ATG5: variants seen among roughly 807,000 people sequenced by gnomAD.
The protein encoded by ATG5 is autophagy protein 5.
ATG5 carries 14 observed loss-of-function variants against 36.5 expected under a neutral mutation model. That is an observed-to-expected ratio of 0.38 (90% CI 0.25 to 0.60). The LOEUF is 0.60. Among genes scored for constraint, ATG5 ranks in the 20% least tolerant of loss-of-function variants. The probability of loss-of-function intolerance (pLI) is 0.60; values close to 1 mark genes in which losing one functional copy is unlikely to be tolerated. For synonymous variants in ATG5, 95 were observed against 101.5 expected, an observed-to-expected ratio of 0.94 and a Z score of 0.38; for missense variants, 195 against 326.7, an observed-to-expected ratio of 0.60 and a Z score of 3.11.
intron 7 of ATG5, 78 bp from the exon 8 acceptor site, chr6:106,186,754 C>G (rs1775786740): frequency 6.7e-7 from 1 of 1,489,006 alleles, no homozygotes; most frequent in African/African-American, 1.4e-5. Context: ...TTTTGAGAAT[C>G]CTTAGTGCAT....
chr6:106,257,004 A>G (rs1778827649), intron 5 of ATG5, among the ~76,000 whole-genome samples: 2 of 152,204 alleles, frequency 1.3e-5, no homozygotes, highest in Non-Finnish European at 2.9e-5. Flanking sequence ...AACATTTTTT[A>G]TATCCTTATT....
intron 6 of ATG5, among the ~76,000 whole-genome samples, chr6:106,240,104 C>T (rs1778060510): frequency 6.6e-6 from 1 of 151,878 alleles, no homozygotes; most frequent in South Asian, 2.1e-4. Flanking sequence ...GTAATGCTCC[C>T]ACCACAGAAT....
chr6:106,216,742 G>A (rs1455416299), intron 6 of ATG5, among the ~76,000 whole-genome samples: 2 of 152,156 alleles, frequency 1.3e-5, no homozygotes, highest in South Asian at 2.1e-4. Flanking sequence ...GACCTTTGCT[G>A]AGCATAGTGG....
intron 4 of ATG5, among the ~76,000 whole-genome samples, chr6:106,292,413 T>C (rs1392618080): frequency 6.6e-6 from 1 of 152,092 alleles, no homozygotes; most frequent in Non-Finnish European, 1.5e-5. Context: ...CAAAATTAGG[T>C]CACACTAAAT....
chr6:106,195,186 T>C (rs1885450), intron 7 of ATG5, among the ~76,000 whole-genome samples: 32,018 of 152,200 alleles, frequency 0.21, 3,745 homozygotes, highest in Admixed American at 0.34. Context: ...CTAGTACATT[T>C]GACTTTCATA....
At chr6:106,233,570 T>C (rs1012206087) in intron 6 of ATG5, among the ~76,000 whole-genome samples, 1 of 152,108 alleles carries the variant, frequency 6.6e-6, no homozygotes, top group Non-Finnish European at 1.5e-5. Flanking sequence ...AGTAAGGAAA[T>C]TGATGTAGTG....
intron 5 of ATG5, among the ~76,000 whole-genome samples, chr6:106,262,386 A>C (rs1213188972): frequency 6.6e-6 from 1 of 152,172 alleles, no homozygotes; most frequent in East Asian, 1.9e-4. Context: ...ATTTCTAATC[A>C]GTTCCCAAGT....
chr6:106,234,173 C>T lies in ATG5; in HGVS notation c.573+13977G>A, dbSNP rs1273090979. 4.6e-5 allele frequency among the ~76,000 whole-genome samples: 7 copies of T among 152,258 alleles called. No individual in the cohort carries two copies. The East Asian group carries it at 1.4e-3, about 29-fold the overall frequency. ...ACATGTAAAGGAAGTAACCTCCCAA[C>T]TGACCCGGGTACATAGCACCCCTAG... On this transcript the variant is annotated intron_variant, in intron 6 of 7. Transcript: ENST00000369076.
intron 6 of ATG5, among the ~76,000 whole-genome samples, chr6:106,218,330 A>G (rs1404188985): frequency 6.6e-6 from 1 of 152,180 alleles, no homozygotes; most frequent in Admixed American, 6.5e-5. Flanking sequence ...AATTTTATTT[A>G]AGGCTCCAAA....
At chr6:106,266,438 A>G (rs758767769) in intron 5 of ATG5, among the ~76,000 whole-genome samples, 2 of 152,206 alleles carry the variant, frequency 1.3e-5, no homozygotes, top group Non-Finnish European at 2.9e-5. Context: ...TGGTACCACC[A>G]TTCCTTCTGA....
At chr6:106,219,039 G>A (rs981301209) in intron 6 of ATG5, among the ~76,000 whole-genome samples, 2 of 151,864 alleles carry the variant, frequency 1.3e-5, no homozygotes, top group East Asian at 3.9e-4. Flanking sequence ...AGAAAAGGAG[G>A]AAAGAACACA....
chr6:106,233,406 C>T (rs1016751713), intron 6 of ATG5, among the ~76,000 whole-genome samples: 3 of 152,288 alleles, frequency 2.0e-5, no homozygotes, highest in African/African-American at 7.2e-5. Flanking sequence ...GAAGCAGAAG[C>T]GGCTTTCCAG....
chr6:106,226,159 T>C (rs1777446614), intron 6 of ATG5, among the ~76,000 whole-genome samples: 1 of 152,242 alleles, frequency 6.6e-6, no homozygotes, highest in African/African-American at 2.4e-5. Context: ...GAAGATACTC[T>C]AGTTCTAGGC....
chr6:106,287,818 T>C (rs1404744335), intron 4 of ATG5, among the ~76,000 whole-genome samples: 4 of 151,994 alleles, frequency 2.6e-5, no homozygotes, highest in African/African-American at 9.7e-5. Flanking sequence ...ATCTACATAC[T>C]GTAAGTAATC....
intron 5 of ATG5, among the ~76,000 whole-genome samples, chr6:106,278,023 T>C (rs905453775): frequency 6.6e-6 from 1 of 152,104 alleles, no homozygotes. Flanking sequence ...TGGCTCACTG[T>C]AACCTTGAAC....
At chr6:106,267,439 A>T (rs182879720) in intron 5 of ATG5, among the ~76,000 whole-genome samples, 1 of 152,342 alleles carries the variant, frequency 6.6e-6, no homozygotes, top group East Asian at 1.9e-4. Flanking sequence ...ATTCAACGCT[A>T]TTCCCATCAA....
In ATG5 at chr6:106,186,226, T is replaced by A. The variant is rs751753615; in HGVS notation, c.*314A>T. The stretch of plus-strand genomic sequence containing the variant: ...TTGTTAATCAGAAATACAAATCGAG[T>A]GGCACATACTTCCATTTTCTTCTTA... On this transcript the variant is annotated 3_prime_UTR_variant, in exon 8 of 8. Transcript: ENST00000369076. 3.9e-6 allele frequency: 1 copy of A among 257,734 alleles called. No homozygotes were observed. Among genetic ancestry groups the A allele is most frequent in the Non-Finnish European group, 7.3e-6 (1 of 136,544 alleles). The allele number at this position is 257,734 out of a possible 1,614,324, so 16.0% of individuals were successfully genotyped here. A position where few individuals can be genotyped will look rare whatever the true frequency, so the allele number is the denominator to read the frequency against.
intron 5 of ATG5, among the ~76,000 whole-genome samples, chr6:106,264,123 G>T (rs1381787616): frequency 1.3e-5 from 2 of 152,118 alleles, no homozygotes; most frequent in Admixed American, 1.3e-4. Flanking sequence ...ATGCTAACTA[G>T]AATAACCCGT....
intron 1 of ATG5, among the ~76,000 whole-genome samples, chr6:106,320,457 T>A (rs890825513): frequency 6.6e-6 from 1 of 152,152 alleles, no homozygotes; most frequent in African/African-American, 2.4e-5. Context: ...TGCCAACTTT[T>A]AAGGAAATTT....
Sources: allele counts gnomAD v4.1 joint callset (sites outside exome capture counted in the v4.1 genomes callset), GRCh38; gene constraint gnomAD v4.1.1; transcripts MANE v1.5; gene names NCBI Gene and HGNC (gene_info 2026-07-23, HGNC 2026-07-21).